Variants in ISY1 observed in about 807,000 individuals in gnomAD.
ISY1 encodes the protein pre-mRNA-splicing factor ISY1 homolog.
ISY1 carries 12 observed loss-of-function variants against 54.4 expected under a neutral mutation model. The ratio of observed to expected loss-of-function variants is 0.22; its 90% CI spans 0.14 to 0.36. The LOEUF (loss-of-function observed/expected upper bound fraction) is 0.36, where lower values mean the gene tolerates loss of function less well. Ranked by LOEUF, ISY1 falls within the 10% of genes least tolerant of loss-of-function variation. The probability of loss-of-function intolerance (pLI) is 1.00; values close to 1 mark genes in which losing one functional copy is unlikely to be tolerated. For missense variants in ISY1, 282 were observed against 342.2 expected, an observed-to-expected ratio of 0.82 and a Z score of 1.39; for synonymous variants, 96 against 117.9, an observed-to-expected ratio of 0.81 and a Z score of 1.20.
intron 8 of ISY1, among the ~76,000 whole-genome samples, chr3:129,134,450 C>A (rs891417585): frequency 6.6e-6 from 1 of 152,174 alleles, no homozygotes; most frequent in Admixed American, 6.5e-5. Flanking sequence ...TGAGTGGATT[C>A]CCAACATGTC....
At chr3:129,156,729 A>C (rs1260150978) in intron 4 of ISY1, 54 bp from the exon 5 acceptor site, 1 of 1,559,832 alleles carries the variant, frequency 6.4e-7, no homozygotes, top group South Asian at 1.2e-5. Flanking sequence ...TAGAAAGCAC[A>C]GAAAAACTAT....
At chr3:129,145,227 T>A (rs1254583026) in intron 6 of ISY1, among the ~76,000 whole-genome samples, 1 of 5,094 alleles carries the variant, frequency 2.0e-4, no homozygotes, top group Non-Finnish European at 4.0e-3. Context: ...CATAGTCATT[T>A]TTTTTTTTTT....
In ISY1 at chr3:129,149,201, G is replaced by A. The variant is rs538814276; in HGVS notation, c.188-3328C>T. Reference sequence around the variant, plus strand: ...AATCCCAGCACTTTGGGAGGCCGAGGCAGGCAGATCACTTGAGGTTGGGAG... The same window carrying A: ...AATCCCAGCACTTTGGGAGGCCGAGACAGGCAGATCACTTGAGGTTGGGAG... On this transcript the variant is annotated intron_variant, in intron 5 of 10. Transcript: ENST00000393295. 1.9e-4 allele frequency among the ~76,000 whole-genome samples: 29 copies of A among 151,752 alleles called. No individual in the cohort carries two copies. The South Asian group carries it at 3.7e-3, about 20-fold the overall frequency.
intron 3 of ISY1, among the ~76,000 whole-genome samples, chr3:129,157,413 T>C (rs1937174337): frequency 6.6e-6 from 1 of 152,116 alleles, no homozygotes. Flanking sequence ...ATATTAGAGC[T>C]GGAGTAATAA....
At chr3:129,151,142 ATAAATATAT>A (rs1156831960) in intron 5 of ISY1, among the ~76,000 whole-genome samples, 10 of 101,698 alleles carry the variant, frequency 9.8e-5, no homozygotes, top group Middle Eastern at 4.2e-3. Flanking sequence ...ATATATATAT[ATAAATATAT>A]AAAATATATA....
At chr3:129,141,371 T>C (rs1936606685) in intron 6 of ISY1, among the ~76,000 whole-genome samples, 1 of 151,698 alleles carries the variant, frequency 6.6e-6, no homozygotes, top group Non-Finnish European at 1.5e-5. Flanking sequence ...TACAAAAAAA[T>C]GCAAAAATCA....
chr3:129,152,762 T>C (rs1298617995), intron 5 of ISY1, among the ~76,000 whole-genome samples: 2 of 152,188 alleles, frequency 1.3e-5, no homozygotes, highest in South Asian at 2.1e-4. Context: ...TCTATATTCA[T>C]AGGAAATATT....
At chr3:129,154,692 C>CT (rs71153171) in intron 5 of ISY1, among the ~76,000 whole-genome samples, 108,687 of 136,550 alleles carry the variant, frequency 0.8, 47,154 homozygotes, top group Non-Finnish European at 0.97. Flanking sequence ...TTTTATTGAT[C>CT]TTTTTTTTTT....
chr3:129,160,871 C>G (rs1483669367), intron 1 of ISY1, 102 bp downstream of exon 1: 1 of 1,420,242 alleles, frequency 7.0e-7, no homozygotes, highest in Non-Finnish European at 9.6e-7. Context: ...GCCCTCAGCA[C>G]TGCACGTCTG....
intron 1 of ISY1, 50 bp downstream of exon 1, chr3:129,160,923 C>CT: frequency 2.4e-6 from 1 of 422,884 alleles, no homozygotes; most frequent in Non-Finnish European, 4.7e-6. Flanking sequence ...TGGGCGCCCC[C>CT]CCGCCCGCCC....
intron 5 of ISY1, among the ~76,000 whole-genome samples, chr3:129,149,788 CAAAAA>C (rs369302599): frequency 7.2e-5 from 6 of 83,564 alleles, no homozygotes; most frequent in South Asian, 5.0e-4. Context: ...GACTCCAACT[CAAAAA>C]AAAAAAAAAA....
intron 1 of ISY1, among the ~76,000 whole-genome samples, chr3:129,160,580 G>C (rs938924096): frequency 5.9e-5 from 9 of 152,130 alleles, no homozygotes; most frequent in Admixed American, 3.3e-4. Flanking sequence ...GACTGAGAAC[G>C]GACATAAATG....
intron 9 of ISY1, among the ~76,000 whole-genome samples, chr3:129,132,550 T>C (rs181168287): frequency 6.6e-6 from 1 of 152,252 alleles, no homozygotes; most frequent in Admixed American, 6.5e-5. Flanking sequence ...CTTGGTTAAG[T>C]TCGCTGGATC....
intron 1 of ISY1, among the ~76,000 whole-genome samples, chr3:129,159,976 G>A (rs910373540): frequency 3.3e-5 from 5 of 151,914 alleles, no homozygotes; most frequent in African/African-American, 1.2e-4. Context: ...TGGTAGATAG[G>A]CAAACACCGC....
At chr3:129,147,052 G>A (rs1295811056) in intron 5 of ISY1, among the ~76,000 whole-genome samples, 2 of 148,012 alleles carry the variant, frequency 1.4e-5, no homozygotes, top group Admixed American at 6.8e-5. Flanking sequence ...GAGTGAGACC[G>A]CCATTCAAAA....
At chr3:129,130,315 C>T in intron 10 of ISY1, 127 bp from the exon 11 acceptor site, 2 of 1,327,254 alleles carry the variant, frequency 1.5e-6, no homozygotes, top group Admixed American at 2.9e-5. Context: ...GCAGAATAGT[C>T]TCCAAGAGTC....
chr3:129,160,092 C>G (rs962095464), intron 1 of ISY1, among the ~76,000 whole-genome samples: 1 of 151,678 alleles, frequency 6.6e-6, no homozygotes, highest in African/African-American at 2.4e-5. Context: ...GTGGCGCGAT[C>G]TCGGCTCACT....
chr3:129,138,745 G>A (rs1936510785), intron 7 of ISY1, among the ~76,000 whole-genome samples: 1 of 150,870 alleles, frequency 6.6e-6, no homozygotes. Context: ...AACCCGGGAG[G>A]CAGAGGTTGC....
At position 129,127,568 on chromosome 3, in the gene ISY1, G is replaced by C. The variant is rs751294360; in HGVS notation, c.*2513C>G. On this transcript the variant is annotated 3_prime_UTR_variant, in exon 11 of 11. Transcript: ENST00000393295. The stretch of plus-strand genomic sequence containing the variant: ...TTTCCAGGCCTGGGACTGGAGCCCT[G>C]CTGAGACCTTGTCCCACATCTAGGA... 1 of 152,212 alleles carries C rather than the reference G, an allele frequency of 6.6e-6. No homozygotes were observed. The highest frequency in any genetic ancestry group is 1.5e-5 in the Non-Finnish European group (1 of 68,074). The allele number at this position is 152,212 out of a possible 1,614,324, so 9.4% of individuals were successfully genotyped here.
Sources: gnomAD v4.1 joint callset for allele counts (sites outside exome capture counted in the v4.1 genomes callset) on GRCh38, gnomAD v4.1.1 for gene constraint, MANE v1.5 for transcripts, NCBI Gene and HGNC (gene_info 2026-07-23, HGNC 2026-07-21) for gene names.